MAF: variants seen among roughly 807,000 people sequenced by gnomAD.
MAF encodes the protein MAF bZIP transcription factor, also known as transcription factor Maf.
MAF carries 10 observed loss-of-function variants against 22.0 expected under a neutral mutation model. The ratio of observed to expected loss-of-function variants is 0.45; its 90% CI spans 0.28 to 0.77. The LOEUF is 0.77. MAF is among the 30% of genes least tolerant of loss of function. The pLI is 0.12. For synonymous variants in MAF, 337 were observed against 255.8 expected (o/e 1.32, Z -3.03); for missense variants, 544 against 548.4 (o/e 0.99, Z 0.08).
chr16:79,382,701 T>C, the MAF span, among the ~76,000 whole-genome samples: 2 of 152,210 alleles, frequency 1.3e-5, no homozygotes, highest in African/African-American at 2.4e-5. Context: ...TAAGCTGCAT[T>C]TGACCTTCTG....
At chr16:79,585,761 C>T (rs547941673), downstream of MAF, 1 of 571,700 alleles carries the variant, frequency 1.7e-6, no homozygotes, top group African/African-American at 1.9e-5. Context: ...ACTTTTCACA[C>T]CTAAAAAGTT....
chr16:79,344,464 A>G, the MAF span, among the ~76,000 whole-genome samples: 3 of 152,212 alleles, frequency 2.0e-5, no homozygotes, highest in Non-Finnish European at 4.4e-5. Context: ...CTTAATAACT[A>G]TGCTTGGACA....
the MAF span, among the ~76,000 whole-genome samples, chr16:79,269,851 C>G: frequency 3.9e-5 from 6 of 152,126 alleles, no homozygotes; most frequent in Non-Finnish European, 8.8e-5. Context: ...AGGCAAGCCT[C>G]TAAGGGAGAG....
At chr16:79,562,070 T>A in the MAF span, among the ~76,000 whole-genome samples, 1 of 152,290 alleles carries the variant, frequency 6.6e-6, no homozygotes, top group African/African-American at 2.4e-5. Context: ...TCTAACACAT[T>A]CCTTGCTCTA....
At chr16:79,555,197 C>G in the MAF span, among the ~76,000 whole-genome samples, 4 of 152,194 alleles carry the variant, frequency 2.6e-5, no homozygotes, top group Non-Finnish European at 5.9e-5. Flanking sequence ...TTCCATCCTC[C>G]TCTCTCATCT....
the MAF span, among the ~76,000 whole-genome samples, chr16:79,461,120 T>C: frequency 6.6e-6 from 1 of 152,210 alleles, no homozygotes; most frequent in Non-Finnish European, 1.5e-5. Flanking sequence ...GTAACTTTTA[T>C]AAAAATTAGA....
the MAF span, among the ~76,000 whole-genome samples, chr16:79,382,703 G>C: frequency 6.6e-6 from 1 of 152,176 alleles, no homozygotes; most frequent in Middle Eastern, 3.2e-3. Flanking sequence ...AGCTGCATTT[G>C]ACCTTCTGTT....
the MAF span, among the ~76,000 whole-genome samples, chr16:79,439,826 C>A: frequency 3.6e-3 from 550 of 152,252 alleles, 3 homozygotes; most frequent in African/African-American, 0.013. Context: ...TGGAAACGAC[C>A]GAAACAGATC....
chr16:79,515,559 T>C, the MAF span, among the ~76,000 whole-genome samples: 4 of 152,194 alleles, frequency 2.6e-5, no homozygotes, highest in African/African-American at 9.7e-5. Context: ...GGATGCTAGG[T>C]AGGTTAGGTG....
At chr16:79,491,073 A>G in the MAF span, among the ~76,000 whole-genome samples, 2 of 152,208 alleles carry the variant, frequency 1.3e-5, no homozygotes, top group African/African-American at 2.4e-5. Flanking sequence ...TTCCGAAAGG[A>G]TAGAACGGAA....
chr16:79,253,608 A>G, the MAF span, among the ~76,000 whole-genome samples: 1 of 152,046 alleles, frequency 6.6e-6, no homozygotes, highest in Non-Finnish European at 1.5e-5. Context: ...GCGTGGTCAC[A>G]TACACATCTG....
chr16:79,344,303 G>A, the MAF span, among the ~76,000 whole-genome samples: 1 of 152,326 alleles, frequency 6.6e-6, no homozygotes, highest in East Asian at 1.9e-4. Flanking sequence ...AAGTGACTAA[G>A]GGCGATTAGA....
chr16:79,545,410 G>C, the MAF span, among the ~76,000 whole-genome samples: 7 of 152,090 alleles, frequency 4.6e-5, no homozygotes, highest in Non-Finnish European at 1.0e-4. Flanking sequence ...GATTCAAGGG[G>C]ACAGCAGAAT....
At chr16:79,352,721 C>T in the MAF span, among the ~76,000 whole-genome samples, 1 of 152,208 alleles carries the variant, frequency 6.6e-6, no homozygotes, top group African/African-American at 2.4e-5. Flanking sequence ...GGCCTCAGTG[C>T]TATGGGCATT....
chr16:79,455,211 G>C, the MAF span, among the ~76,000 whole-genome samples: 1 of 151,952 alleles, frequency 6.6e-6, no homozygotes, highest in Non-Finnish European at 1.5e-5. Context: ...TAGACTATCA[G>C]TATCCTCAAA....
the MAF span, among the ~76,000 whole-genome samples, chr16:79,285,603 T>A: frequency 1.3e-5 from 2 of 152,130 alleles, no homozygotes; most frequent in African/African-American, 2.4e-5. Context: ...GTTGCTTTTA[T>A]AGGAAGTTTA....
the MAF span, among the ~76,000 whole-genome samples, chr16:79,391,908 G>A: frequency 1.4e-5 from 2 of 148,006 alleles, no homozygotes; most frequent in Middle Eastern, 3.3e-3. Context: ...GCAGGAGGAG[G>A]AGAAGGAGGA....
At chr16:79,373,429 C>A in the MAF span, among the ~76,000 whole-genome samples, 1 of 116,120 alleles carries the variant, frequency 8.6e-6, no homozygotes, top group Non-Finnish European at 1.6e-5. Context: ...GTCTCCCAGG[C>A]TGGAGTGCAA....
At chr16:79,221,744 C>A in the MAF span, among the ~76,000 whole-genome samples, 1,320 of 149,802 alleles carry the variant, frequency 8.8e-3, 12 homozygotes, top group Non-Finnish European at 0.014. Flanking sequence ...TGTACGTATA[C>A]GTGATTGTGT....
Sources: gnomAD v4.1 joint callset for allele counts (sites outside exome capture counted in the v4.1 genomes callset) on GRCh38, gnomAD v4.1.1 for gene constraint, MANE v1.5 for transcripts, NCBI Gene and HGNC (gene_info 2026-07-23, HGNC 2026-07-21) for gene names.